SEPTIN7: variants seen among roughly 807,000 people sequenced by gnomAD.
SEPTIN7 encodes septin-7.
Under a neutral mutation model 63.3 loss-of-function variants are expected in SEPTIN7, and 10 were observed. The ratio of observed to expected loss-of-function variants is 0.16; its 90% CI spans 0.10 to 0.27. The LOEUF (loss-of-function observed/expected upper bound fraction) is 0.27. SEPTIN7 is among the 10% of genes least tolerant of loss of function. SEPTIN7 has a pLI of 1.00. For synonymous variants in SEPTIN7, 131 were observed against 165.3 expected, an observed-to-expected ratio of 0.79 and a Z score of 1.59; for missense variants, 310 against 521.0, an observed-to-expected ratio of 0.59 and a Z score of 3.94.
At chr7:35,914,259 A>G in the SEPTIN7 span, among the ~76,000 whole-genome samples, 2 of 152,236 alleles carry the variant, frequency 1.3e-5, no homozygotes, top group Non-Finnish European at 2.9e-5. Context: ...TATGCATTCC[A>G]TATTGTGACA....
chr7:35,910,517 C>A (rs1788723663), downstream of SEPTIN7, among the ~76,000 whole-genome samples: 1 of 152,122 alleles, frequency 6.6e-6, no homozygotes, highest in African/African-American at 2.4e-5. Context: ...TAAAGTTTTC[C>A]AGATGCCCTA....
In SEPTIN7 at chr7:35,905,173, A is replaced by G. The variant is rs1788551252; in HGVS notation, c.*880A>G. On this transcript the variant is annotated 3_prime_UTR_variant, in exon 14 of 14. Coordinates refer to ENST00000350320, the MANE Select transcript of SEPTIN7 (RefSeq NM_001788.6). ...TACCTATATGCAGTCTCTTTATTTT[A>G]CTAGAAATGGGAATCATGGCCTCTT... 6.6e-6 allele frequency: 1 copy of G among 152,608 alleles called. No individual in the cohort carries two copies. Among genetic ancestry groups the G allele is most frequent in the South Asian group, 2.1e-4 (1 of 4,836 alleles). 9.5% of individuals were successfully genotyped at this position (152,608 alleles called of 1,614,324 possible). A position where few individuals can be genotyped will look rare whatever the true frequency, so the allele number is the denominator to read the frequency against.
chr7:35,895,662 T>A (rs901061128), intron 11 of SEPTIN7, among the ~76,000 whole-genome samples: 14 of 152,242 alleles, frequency 9.2e-5, no homozygotes, highest in African/African-American at 3.4e-4. Flanking sequence ...CTTAATAATT[T>A]GTGAAAGCTA....
At chr7:35,804,835 GTTTT>G (rs57782019) in intron 1 of SEPTIN7, among the ~76,000 whole-genome samples, 1 of 123,310 alleles carries the variant, frequency 8.1e-6, no homozygotes, top group African/African-American at 3.0e-5. Context: ...TTCTTTTTTT[GTTTT>G]TTTTTTTTTT....
intron 12 of SEPTIN7, chr7:35,902,195 T>A (rs1443297212): frequency 2.0e-5 from 3 of 151,918 alleles, no homozygotes; most frequent in African/African-American, 7.2e-5. Context: ...GGATTTAATC[T>A]GATTTTTAAA....
intron 10 of SEPTIN7, among the ~76,000 whole-genome samples, chr7:35,889,937 G>A (rs1787534217): frequency 6.6e-6 from 1 of 152,140 alleles, no homozygotes; most frequent in Admixed American, 6.5e-5. Flanking sequence ...AGATAGAATG[G>A]ATGATGAGAA....
intron 3 of SEPTIN7, among the ~76,000 whole-genome samples, chr7:35,833,392 G>A (rs1783930771): frequency 6.6e-6 from 1 of 151,898 alleles, no homozygotes; most frequent in African/African-American, 2.4e-5. Flanking sequence ...TGACTCTCCT[G>A]GTTCTCTAAT....
intron 1 of SEPTIN7, 141 bp downstream of exon 1, chr7:35,801,411 C>A (rs1787959271): frequency 1.9e-6 from 2 of 1,033,254 alleles, no homozygotes; most frequent in South Asian, 1.9e-5. Context: ...GGGGCCACTG[C>A]GGGCCCGGGG....
intron 1 of SEPTIN7, among the ~76,000 whole-genome samples, chr7:35,812,791 C>T (rs560797799): frequency 3.3e-5 from 5 of 152,250 alleles, no homozygotes; most frequent in Middle Eastern, 3.4e-3. Context: ...TAAAACATTA[C>T]TTTTACAAAA....
At chr7:35,810,961 G>C (rs545513841) in intron 1 of SEPTIN7, among the ~76,000 whole-genome samples, 1 of 151,732 alleles carries the variant, frequency 6.6e-6, no homozygotes, top group Non-Finnish European at 1.5e-5. Context: ...TAGAGACGGG[G>C]TTTCACCATG....
chr7:35,887,676 G>A (rs1056567005), intron 10 of SEPTIN7, among the ~76,000 whole-genome samples: 4 of 152,192 alleles, frequency 2.6e-5, no homozygotes, highest in Non-Finnish European at 4.4e-5. Flanking sequence ...ATATTCGAAG[G>A]TTCACAGCCT....
At chr7:35,907,370 C>T (rs540407064), downstream of SEPTIN7, among the ~76,000 whole-genome samples, 43 of 152,262 alleles carry the variant, frequency 2.8e-4, no homozygotes, top group South Asian at 8.3e-3. Context: ...TGTCCTGTTC[C>T]AGATGGTAAC....
intron 3 of SEPTIN7, among the ~76,000 whole-genome samples, chr7:35,849,340 T>C (rs1784842864): frequency 6.6e-6 from 1 of 152,146 alleles, no homozygotes; most frequent in African/African-American, 2.4e-5. Flanking sequence ...GGTTTCGGGA[T>C]GAAACTGATC....
intron 12 of SEPTIN7, chr7:35,900,376 C>G (rs999434204): frequency 6.6e-6 from 1 of 152,184 alleles, no homozygotes; most frequent in African/African-American, 2.4e-5. Context: ...GCAGTGCCCT[C>G]CTATCATAGG....
the SEPTIN7 span, among the ~76,000 whole-genome samples, chr7:35,913,762 G>T: frequency 2.6e-5 from 4 of 152,114 alleles, no homozygotes; most frequent in Non-Finnish European, 5.9e-5. Flanking sequence ...ACTAATTTTT[G>T]TATTTTTTGT....
In SEPTIN7 at chr7:35,884,892, A is replaced by C. The variant is rs371707656; in HGVS notation, c.820+905A>C. 2.8e-4 allele frequency among the ~76,000 whole-genome samples: 42 copies of C among 152,300 alleles called. No individual in the cohort carries two copies. The East Asian group carries it at 4.4e-3, about 16-fold the overall frequency. On this transcript the variant is annotated intron_variant, in intron 9 of 13. Coordinates refer to ENST00000350320, the MANE Select transcript of SEPTIN7 (RefSeq NM_001788.6). The stretch of plus-strand genomic sequence containing the variant: ...AGTTATAACACCAAGCCTCAGAAGT[A>C]CTTCCTCTTGGCAATAGGTTTATTG...
intron 7 of SEPTIN7, among the ~76,000 whole-genome samples, chr7:35,881,383 G>A (rs1786866655): frequency 6.6e-6 from 1 of 151,642 alleles, no homozygotes; most frequent in Non-Finnish European, 1.5e-5. Context: ...TCACATCCTG[G>A]TGGTTGTACT....
rs1434479685 is a variant in SEPTIN7, at chr7:35,906,835, CTAGGAG to C, written c.*2546_*2551del. Reference sequence around the variant, plus strand: ...AATATGTTTTGTCCTCTTGGAGAAACTAGGAGTAGAAGTCAGGATATGGTAGGTAAG... The same window carrying C: ...AATATGTTTTGTCCTCTTGGAGAAACTAGAAGTCAGGATATGGTAGGTAAG... On this transcript the variant is annotated 3_prime_UTR_variant, in exon 14 of 14. Transcript: ENST00000350320. 2 of 152,116 alleles carry C rather than the reference CTAGGAG, an allele frequency of 1.3e-5. No individual in the cohort carries two copies. The highest frequency in any genetic ancestry group is 1.3e-4 in the Admixed American group (2 of 15,262). 9.4% of individuals were successfully genotyped at this position (152,116 alleles called of 1,614,324 possible). A position where few individuals can be genotyped will look rare whatever the true frequency, so the allele number is the denominator to read the frequency against.
chr7:35,883,718 G>C (rs1367607460), intron 8 of SEPTIN7, among the ~76,000 whole-genome samples, 173 bp from the exon 9 acceptor site: 2 of 151,766 alleles, frequency 1.3e-5, no homozygotes, highest in Non-Finnish European at 2.9e-5. Context: ...GCAATACCAT[G>C]TGATGGCAGT....
Sources: gnomAD v4.1 joint callset for allele counts (sites outside exome capture counted in the v4.1 genomes callset) on GRCh38, gnomAD v4.1.1 for gene constraint, MANE v1.5 for transcripts, NCBI Gene and HGNC (gene_info 2026-07-23, HGNC 2026-07-21) for gene names.